The following LRFN5 variants were observed in gnomAD, a reference collection of about 807,000 sequenced individuals.
LRFN5 encodes leucine-rich repeat and fibronectin type-III domain-containing protein 5.
Under a neutral mutation model 45.6 loss-of-function variants are expected in LRFN5, and 24 were observed. That is an observed-to-expected ratio of 0.53 (90% confidence interval 0.38 to 0.74). LRFN5 has a LOEUF of 0.74. Among genes scored for constraint, LRFN5 ranks in the 30% least tolerant of loss-of-function variants. The pLI is 0.00. For missense variants in LRFN5, 776 were observed against 861.5 expected, an observed-to-expected ratio of 0.90 and a Z score of 1.24; for synonymous variants, 340 against 313.8, an observed-to-expected ratio of 1.08 and a Z score of -0.88.
At chr14:41,660,080 C>A (rs895055491) in intron 1 of LRFN5, among the ~76,000 whole-genome samples, 1 of 151,986 alleles carries the variant, frequency 6.6e-6, no homozygotes, top group Non-Finnish European at 1.5e-5. Flanking sequence ...GGCTGGAATG[C>A]AATGGCATGA....
At chr14:41,738,890 A>G (rs1448842588) in intron 1 of LRFN5, among the ~76,000 whole-genome samples, 3 of 152,206 alleles carry the variant, frequency 2.0e-5, no homozygotes, top group African/African-American at 2.4e-5. Flanking sequence ...CTGAACTACT[A>G]TTTACAACAA....
intron 1 of LRFN5, among the ~76,000 whole-genome samples, chr14:41,719,475 A>G (rs1393537178): frequency 6.6e-6 from 1 of 151,996 alleles, no homozygotes; most frequent in African/African-American, 2.4e-5. Context: ...ATCCTATTGT[A>G]ATAGTTATTA....
chr14:41,737,688 G>A (rs1390933264), intron 1 of LRFN5, among the ~76,000 whole-genome samples: 2 of 152,084 alleles, frequency 1.3e-5, no homozygotes, highest in African/African-American at 2.4e-5. Flanking sequence ...AAAATCACAA[G>A]CATTCCTATG....
chr14:41,791,057 T>G (rs1296123610), intron 2 of LRFN5, among the ~76,000 whole-genome samples: 1 of 151,904 alleles, frequency 6.6e-6, no homozygotes, highest in Non-Finnish European at 1.5e-5. Context: ...CTCTATATAT[T>G]TTGTTGCTAT....
At chr14:41,785,054 A>G (rs1886669343) in intron 2 of LRFN5, among the ~76,000 whole-genome samples, 1 of 152,190 alleles carries the variant, frequency 6.6e-6, no homozygotes, top group African/African-American at 2.4e-5. Flanking sequence ...AATCTATTTC[A>G]AATAATATGA....
intron 2 of LRFN5, among the ~76,000 whole-genome samples, chr14:41,873,712 A>C (rs1210539738): frequency 6.6e-6 from 1 of 152,142 alleles, no homozygotes; most frequent in Admixed American, 6.5e-5. Context: ...TATGAAGAGA[A>C]ATTATTTCCT....
intron 1 of LRFN5, among the ~76,000 whole-genome samples, chr14:41,633,437 G>T (rs1888618970): frequency 6.6e-6 from 1 of 151,918 alleles, no homozygotes; most frequent in Non-Finnish European, 1.5e-5. Context: ...ACTTATAAAT[G>T]CCTTAGCAGA....
At position 41,904,213 on chromosome 14, in the gene LRFN5, C is replaced by G; in HGVS notation, c.*38C>G. 6.2e-7 allele frequency: 1 copy of G among 1,607,498 alleles called. No individual in the cohort carries two copies. Among genetic ancestry groups the G allele is most frequent in the Non-Finnish European group, 8.5e-7 (1 of 1,176,992 alleles). ...CTCCTCTCTCTCCTGAAAAAATTTG[C>G]CACTGATATTTTTACTGGATAAAAT... On this transcript the variant is annotated 3_prime_UTR_variant, in exon 6 of 6. Coordinates refer to ENST00000298119, the MANE Select transcript of LRFN5 (RefSeq NM_152447.5).
At chr14:41,654,654 A>G (rs535949284) in intron 1 of LRFN5, among the ~76,000 whole-genome samples, 2 of 152,048 alleles carry the variant, frequency 1.3e-5, no homozygotes, top group Non-Finnish European at 2.9e-5. Flanking sequence ...GAGAATAATC[A>G]ATTGTGTCAA....
intron 2 of LRFN5, among the ~76,000 whole-genome samples, chr14:41,871,369 C>A (rs1206141182): frequency 6.6e-6 from 1 of 152,098 alleles, no homozygotes; most frequent in Non-Finnish European, 1.5e-5. Context: ...AGGTAGATTA[C>A]CTGAGGTCAG....
intron 1 of LRFN5, among the ~76,000 whole-genome samples, chr14:41,680,590 A>C (rs1202552948): frequency 6.6e-6 from 1 of 152,220 alleles, no homozygotes; most frequent in Non-Finnish European, 1.5e-5. Context: ...ATATAGCTGC[A>C]GTGACCAAAA....
At chr14:41,739,716 A>G (rs1435348651) in intron 1 of LRFN5, among the ~76,000 whole-genome samples, 1 of 151,928 alleles carries the variant, frequency 6.6e-6, no homozygotes, top group Non-Finnish European at 1.5e-5. Flanking sequence ...CAAAGATCGG[A>G]GCAGAAATAA....
intron 1 of LRFN5, among the ~76,000 whole-genome samples, chr14:41,673,030 T>A (rs111818624): frequency 0.011 from 1,398 of 130,798 alleles, 30 homozygotes; most frequent in African/African-American, 0.047. Context: ...ATTTTGTTAT[T>A]TATTTATTTA....
At chr14:41,895,201 C>G (rs986491871) in intron 4 of LRFN5, among the ~76,000 whole-genome samples, 2 of 152,080 alleles carry the variant, frequency 1.3e-5, no homozygotes, top group South Asian at 2.1e-4. Context: ...ACAGTAGTGT[C>G]ATAAAGGGAT....
chr14:41,671,617 G>GTTTTTTTTTTTTGTTTTTTTTTTT (rs1881226105), intron 1 of LRFN5, among the ~76,000 whole-genome samples: 2 of 78,012 alleles, frequency 2.6e-5, no homozygotes, highest in East Asian at 4.4e-4. Flanking sequence ...TTTTTTTTTC[G>GTTTTTTTTTTTTGTTTTTTTTTTT]TTTTTTTTTT....
In LRFN5 at chr14:41,713,182, A is replaced by T. The variant is rs142112376; in HGVS notation, c.-196-53672A>T. Among the ~76,000 whole-genome samples, 148 of 152,244 alleles carry T rather than the reference A, an allele frequency of 9.7e-4. 2 individuals are homozygous for T. Among genetic ancestry groups the T allele is most frequent in the Non-Finnish European group, 2.9e-4 (20 of 67,966 alleles). ...GAATGTGCATGTGAAAATATTTGAA[A>T]ATGACTACAGTAATCCAAAATCAAT... On this transcript the variant is annotated intron_variant, in intron 1 of 5. Transcript: ENST00000298119.
intron 2 of LRFN5, among the ~76,000 whole-genome samples, chr14:41,776,425 G>C (rs1486736445): frequency 2.0e-5 from 3 of 152,054 alleles, no homozygotes; most frequent in African/African-American, 7.2e-5. Context: ...GTGGGTTTAT[G>C]GGCATTCTGG....
intron 4 of LRFN5, chr14:41,892,451 A>C (rs939543079): frequency 1.0e-6 from 1 of 983,808 alleles, no homozygotes; most frequent in Non-Finnish European, 1.2e-6. Context: ...CAGATTAAAA[A>C]AATGAAAATT....
At chr14:41,778,405 T>C (rs112773923) in intron 2 of LRFN5, among the ~76,000 whole-genome samples, 2,125 of 151,828 alleles carry the variant, frequency 0.014, 17 homozygotes, top group Non-Finnish European at 0.024. Context: ...TAAAGTACTT[T>C]GGGGACTATT....
Sources: gnomAD v4.1 joint callset for allele counts (sites outside exome capture counted in the v4.1 genomes callset) on GRCh38, gnomAD v4.1.1 for gene constraint, MANE v1.5 for transcripts, NCBI Gene and HGNC (gene_info 2026-07-23, HGNC 2026-07-21) for gene names.